The following AP3B1 variants were observed in gnomAD, a reference collection of about 807,000 sequenced individuals.
AP3B1 encodes the protein AP-3 complex subunit beta-1.
In AP3B1, 61 loss-of-function variants were observed where a neutral mutation model predicts 132.5. The ratio of observed to expected loss-of-function variants is 0.46; its 90% CI spans 0.37 to 0.57. The LOEUF is 0.57. Among genes scored for constraint, AP3B1 ranks in the 20% least tolerant of loss-of-function variants. The pLI is 0.00. For missense variants in AP3B1, 1,120 were observed against 1,289.4 expected, an observed-to-expected ratio of 0.87 and a Z score of 2.01; for synonymous variants, 388 against 438.3, an observed-to-expected ratio of 0.89 and a Z score of 1.43.
chr5:78,020,440 C>T (rs1747042381), intron 25 of AP3B1, among the ~76,000 whole-genome samples: 1 of 152,056 alleles, frequency 6.6e-6, no homozygotes, highest in African/African-American at 2.4e-5. Flanking sequence ...CAACAACTCT[C>T]AGCATTGAAA....
chr5:78,217,706 T>G (rs1210637628), intron 6 of AP3B1, among the ~76,000 whole-genome samples: 9 of 152,042 alleles, frequency 5.9e-5, no homozygotes, highest in African/African-American at 2.2e-4. Flanking sequence ...CTAGAATAAC[T>G]CATTGTGAGA....
intron 20 of AP3B1, among the ~76,000 whole-genome samples, chr5:78,106,794 A>C (rs936835697): frequency 1.3e-5 from 2 of 152,186 alleles, no homozygotes; most frequent in African/African-American, 4.8e-5. Flanking sequence ...AGTCAGAGAT[A>C]ATTCTGGGGC....
At chr5:78,200,007 T>C (rs1310615874) in intron 7 of AP3B1, among the ~76,000 whole-genome samples, 1 of 152,072 alleles carries the variant, frequency 6.6e-6, no homozygotes, top group Non-Finnish European at 1.5e-5. Flanking sequence ...TTTTAAAATA[T>C]GAAGATAACC....
chr5:78,290,192 T>C (rs1049917891), intron 1 of AP3B1, among the ~76,000 whole-genome samples: 1 of 152,236 alleles, frequency 6.6e-6, no homozygotes, highest in Non-Finnish European at 1.5e-5. Context: ...CTACTACAAA[T>C]GGAAAACATC....
intron 21 of AP3B1, among the ~76,000 whole-genome samples, chr5:78,093,124 A>G (rs1750601994): frequency 6.6e-6 from 1 of 152,242 alleles, no homozygotes; most frequent in Non-Finnish European, 1.5e-5. Context: ...ATTCCCAACA[A>G]CAGTAAATCT....
rs1178412924 is a variant in AP3B1 at position 78,039,248 on chromosome 5, C to T, written c.2604G>A (p.Thr868=). 3.1e-6 allele frequency: 5 copies of T among 1,613,922 alleles called. No individual in the cohort carries two copies. Among genetic ancestry groups the T allele is most frequent in the Non-Finnish European group, 4.2e-6 (5 of 1,179,972 alleles). The part of the protein sequence containing the change: ...ISVSTPAFVP[T]KTHVLLHRMS... Reference sequence around the variant, plus strand: ...TTCGATGAAGCAGCACGTGAGTTTTCGTTGGTACAAATGCAGGAGTACTGA... The same window carrying T: ...TTCGATGAAGCAGCACGTGAGTTTTTGTTGGTACAAATGCAGGAGTACTGA... Residue 868 remains threonine, a synonymous_variant, in exon 23 of 27, where the codon ACG becomes ACA. Coordinates refer to ENST00000255194, the MANE Select transcript of AP3B1 (RefSeq NM_003664.5).
chr5:78,108,017 T>A (rs1268344234), intron 20 of AP3B1, among the ~76,000 whole-genome samples: 1 of 152,186 alleles, frequency 6.6e-6, no homozygotes, highest in East Asian at 1.9e-4. Flanking sequence ...AGATATTCTC[T>A]CCCAACAAGT....
chr5:78,029,375 T>TG (rs1747473419), intron 24 of AP3B1, among the ~76,000 whole-genome samples: 1 of 151,654 alleles, frequency 6.6e-6, no homozygotes, highest in South Asian at 2.1e-4. Context: ...CACATCTATC[T>TG]GATAAATGCA....
chr5:78,049,999 C>T (rs1397536638), intron 22 of AP3B1, among the ~76,000 whole-genome samples: 1 of 152,190 alleles, frequency 6.6e-6, no homozygotes, highest in Non-Finnish European at 1.5e-5. Context: ...TGTTCCATTT[C>T]CTTGATCTTG....
rs962941293 is a variant in AP3B1 at position 78,118,338 on chromosome 5, G to A, written c.1969-2104C>T. Among the ~76,000 whole-genome samples the A allele has an allele frequency of 6.6e-5, 10 of 152,170 alleles. No individual in the cohort carries two copies. In the East Asian group the frequency reaches 9.6e-4, roughly 15 times the overall value. ...CTCACTAGAGAGTGCCAGACAGTGG[G>A]TGCAGCGCACTGTGCGCAAGCCGGA... On this transcript the variant is annotated intron_variant, in intron 17 of 26. Coordinates refer to ENST00000255194, the MANE Select transcript of AP3B1 (RefSeq NM_003664.5).
intron 3 of AP3B1, among the ~76,000 whole-genome samples, chr5:78,233,390 C>T (rs1434212993): frequency 2.0e-5 from 3 of 152,018 alleles, no homozygotes; most frequent in South Asian, 4.1e-4. Context: ...CATGCCACCA[C>T]GCCCAGCTAA....
chr5:78,032,711 C>A (rs536796953), intron 24 of AP3B1, among the ~76,000 whole-genome samples: 1 of 151,876 alleles, frequency 6.6e-6, no homozygotes, highest in South Asian at 2.1e-4. Flanking sequence ...TTTGATCTAG[C>A]ATGCTGTTGT....
chr5:78,167,557 T>G (rs151257088), intron 11 of AP3B1, among the ~76,000 whole-genome samples: 176 of 151,994 alleles, frequency 1.2e-3, no homozygotes, highest in Non-Finnish European at 2.0e-3. Flanking sequence ...AGCAGCACAA[T>G]TTGCAATGGC....
chr5:78,086,633 A>C (rs1750267714), intron 22 of AP3B1, among the ~76,000 whole-genome samples: 2 of 152,216 alleles, frequency 1.3e-5, no homozygotes, highest in Non-Finnish European at 2.9e-5. Context: ...ACTAGCTTTA[A>C]GGAGTGAAGG....
intron 8 of AP3B1, among the ~76,000 whole-genome samples, chr5:78,179,383 G>A (rs908476736): frequency 9.9e-5 from 15 of 152,058 alleles, no homozygotes; most frequent in Non-Finnish European, 1.3e-4. Context: ...TAATATATTA[G>A]GGTACTCCAA....
At chr5:78,192,387 A>G (rs1744878455) in intron 7 of AP3B1, among the ~76,000 whole-genome samples, 1 of 151,826 alleles carries the variant, frequency 6.6e-6, no homozygotes, top group Non-Finnish European at 1.5e-5. Context: ...TCACACCTGT[A>G]ATCCCAGCAC....
At chr5:78,019,711 T>C (rs1464242269) in intron 25 of AP3B1, among the ~76,000 whole-genome samples, 1 of 152,124 alleles carries the variant, frequency 6.6e-6, no homozygotes, top group African/African-American at 2.4e-5. Flanking sequence ...TTGTATGAGA[T>C]TTTCTTTTTG....
chr5:78,273,102 A>C (rs1269109210), intron 1 of AP3B1, among the ~76,000 whole-genome samples: 2 of 140,742 alleles, frequency 1.4e-5, no homozygotes, highest in Non-Finnish European at 3.3e-5. Context: ...AGAGAAGCAC[A>C]AAAAGTGAGC....
intron 3 of AP3B1, among the ~76,000 whole-genome samples, chr5:78,229,427 T>C (rs987320992): frequency 1.3e-5 from 2 of 152,018 alleles, no homozygotes; most frequent in Admixed American, 6.6e-5. Context: ...ACCAACACAG[T>C]ATATACCTAA....
Sources: allele counts gnomAD v4.1 joint callset (sites outside exome capture counted in the v4.1 genomes callset), GRCh38; gene constraint gnomAD v4.1.1; transcripts MANE v1.5; gene names NCBI Gene and HGNC (gene_info 2026-07-23, HGNC 2026-07-21).